Variants in GATAD2B observed in about 807,000 individuals in gnomAD.
GATAD2B encodes transcriptional repressor p66-beta.
Under a neutral mutation model 64.3 loss-of-function variants are expected in GATAD2B, and 8 were observed. The observed-to-expected ratio is 0.12, with a 90% CI of 0.07 to 0.22. The LOEUF (loss-of-function observed/expected upper bound fraction) is 0.22. Ranked by LOEUF, GATAD2B falls within the 10% of genes least tolerant of loss-of-function variation. GATAD2B has a pLI of 1.00. For missense variants in GATAD2B, 453 were observed against 752.0 expected (o/e 0.60, Z 4.65); for synonymous variants, 281 against 271.3 (o/e 1.04, Z -0.35).
chr1:153,878,623 A>G (rs1234420942), intron 1 of GATAD2B, among the ~76,000 whole-genome samples: 1 of 152,134 alleles, frequency 6.6e-6, no homozygotes, highest in East Asian at 1.9e-4. Context: ...TCTAGACTGC[A>G]ACCTGATAAA....
Position 153,818,058 on chromosome 1 carries a change from T to C in GATAD2B, c.711A>G (p.Gln237=), listed in dbSNP as rs1483462962. Residue 237 remains glutamine (Q), a synonymous_variant, in exon 5 of 11, where the codon CAA becomes CAG. Coordinates refer to ENST00000368655, the MANE Select transcript of GATAD2B (RefSeq NM_020699.4). ...CACATACCTGTAATGTTCTCAAATTTTGAGGTTCAACCCCTTGGGCCCCAG... is the reference window on the plus strand; with the variant it reads ...CACATACCTGTAATGTTCTCAAATTCTGAGGTTCAACCCCTTGGGCCCCAG... ...SRPGAQGVEP[Q]NLRTLQGHSV... 6.2e-7 allele frequency: 1 copy of C among 1,609,646 alleles called. No individual in the cohort carries two copies. Among genetic ancestry groups the C allele is most frequent in the African/African-American group, 1.3e-5 (1 of 74,566 alleles).
At chr1:153,862,342 C>G (rs1373521257) in intron 1 of GATAD2B, among the ~76,000 whole-genome samples, 2 of 151,736 alleles carry the variant, frequency 1.3e-5, no homozygotes, top group Non-Finnish European at 2.9e-5. Flanking sequence ...AGACTGGTCT[C>G]GAACTTCTGA....
At chr1:153,889,612 T>C in intron 1 of GATAD2B, 1 of 337,576 alleles carries the variant, frequency 3.0e-6, no homozygotes, top group Non-Finnish European at 4.2e-6. Flanking sequence ...GGAGACAACA[T>C]AAAAGGAAAC....
At chr1:153,888,731 T>C (rs148699111) in intron 1 of GATAD2B, among the ~76,000 whole-genome samples, 302 of 152,338 alleles carry the variant, frequency 2.0e-3, no homozygotes, top group Middle Eastern at 0.01. Context: ...TTCTACTTTT[T>C]GGCCTGGCTT....
chr1:153,849,268 T>C (rs1409609084), intron 1 of GATAD2B, among the ~76,000 whole-genome samples: 1 of 152,222 alleles, frequency 6.6e-6, no homozygotes, highest in Non-Finnish European at 1.5e-5. Flanking sequence ...TGCCATCTAA[T>C]AACATAGCAG....
At chr1:153,819,522 C>G in intron 3 of GATAD2B, 84 bp downstream of exon 3, 1 of 1,034,038 alleles carries the variant, frequency 9.7e-7, no homozygotes, top group Middle Eastern at 2.9e-4. Context: ...AGTAAATAGT[C>G]AAAAAACAGA....
At chr1:153,824,996 G>A (rs1674819678) in intron 2 of GATAD2B, among the ~76,000 whole-genome samples, 1 of 152,156 alleles carries the variant, frequency 6.6e-6, no homozygotes, top group Non-Finnish European at 1.5e-5. Flanking sequence ...TAAGGAGCGA[G>A]GATTGCTTGA....
chr1:153,898,468 G>A (rs1338178437), intron 1 of GATAD2B, among the ~76,000 whole-genome samples: 1 of 152,136 alleles, frequency 6.6e-6, no homozygotes, highest in Non-Finnish European at 1.5e-5. Context: ...GCTCACGCCT[G>A]TAATCCCAGC....
At chr1:153,903,862 T>G (rs1557831024) in intron 1 of GATAD2B, among the ~76,000 whole-genome samples, 1 of 152,150 alleles carries the variant, frequency 6.6e-6, no homozygotes, top group Non-Finnish European at 1.5e-5. Context: ...CACGCACATG[T>G]GGTCCCAGCT....
chr1:153,916,380 A>C (rs1374847838), intron 1 of GATAD2B, among the ~76,000 whole-genome samples: 1 of 152,216 alleles, frequency 6.6e-6, no homozygotes, highest in Non-Finnish European at 1.5e-5. Context: ...ACAGCAATGG[A>C]GACACAGAAG....
chr1:153,915,999 G>T (rs1407877650), intron 1 of GATAD2B, among the ~76,000 whole-genome samples: 1 of 152,156 alleles, frequency 6.6e-6, no homozygotes, highest in East Asian at 1.9e-4. Flanking sequence ...GAATAAGACA[G>T]CCGGGTGCGG....
intron 1 of GATAD2B, among the ~76,000 whole-genome samples, chr1:153,880,869 C>T (rs1266245506): frequency 6.6e-6 from 1 of 151,860 alleles, no homozygotes; most frequent in Non-Finnish European, 1.5e-5. Flanking sequence ...AAAGGAGATC[C>T]AGGACAGTTA....
intron 1 of GATAD2B, among the ~76,000 whole-genome samples, chr1:153,900,517 T>C (rs1365030671): frequency 6.6e-6 from 1 of 151,108 alleles, no homozygotes; most frequent in African/African-American, 2.4e-5. Context: ...GCTTATTTTC[T>C]TTTTCTTTAT....
intron 8 of GATAD2B, chr1:153,812,390 T>C (rs1674322013): frequency 5.0e-6 from 2 of 396,662 alleles, no homozygotes; most frequent in South Asian, 7.3e-5. Flanking sequence ...TGTTGGCTAG[T>C]TGGTGGAATA....
At chr1:153,905,274 G>T (rs894092731) in intron 1 of GATAD2B, among the ~76,000 whole-genome samples, 14 of 152,042 alleles carry the variant, frequency 9.2e-5, no homozygotes, top group Non-Finnish European at 1.5e-4. Flanking sequence ...TACTTGGGAG[G>T]CTGAGACAGG....
At chr1:153,892,146 AGAGT>A (rs1167831190) in intron 1 of GATAD2B, among the ~76,000 whole-genome samples, 2 of 146,098 alleles carry the variant, frequency 1.4e-5, no homozygotes, top group Admixed American at 7.0e-5. Flanking sequence ...GCCTGGCAAC[AGAGT>A]GAGACTCCGT....
At chr1:153,852,894 T>C in intron 1 of GATAD2B, 3 of 781,186 alleles carry the variant, frequency 3.8e-6, no homozygotes, top group Non-Finnish European at 6.8e-6. Flanking sequence ...TGAGCGCATG[T>C]TCCAAGCCAC....
intron 1 of GATAD2B, among the ~76,000 whole-genome samples, chr1:153,867,037 CAA>C (rs35685580): frequency 6.6e-6 from 1 of 152,084 alleles, no homozygotes; most frequent in Non-Finnish European, 1.5e-5. Context: ...CTCAGTCTCC[CAA>C]AGTGCTGGTA....
intron 1 of GATAD2B, among the ~76,000 whole-genome samples, chr1:153,879,432 T>C (rs866280786): frequency 6.6e-6 from 1 of 151,980 alleles, no homozygotes; most frequent in Non-Finnish European, 1.5e-5. Flanking sequence ...AGCTGCTTCA[T>C]AAATATCACA....
Sources: allele counts gnomAD v4.1 joint callset (sites outside exome capture counted in the v4.1 genomes callset), GRCh38; gene constraint gnomAD v4.1.1; transcripts MANE v1.5; gene names NCBI Gene and HGNC (gene_info 2026-07-23, HGNC 2026-07-21).